KRT7: variants seen among roughly 807,000 people sequenced by gnomAD.
KRT7 encodes the protein keratin, type II cytoskeletal 7.
Under a neutral mutation model 42.8 loss-of-function variants are expected in KRT7, and 50 were observed. The observed-to-expected ratio is 1.17, with a 90% CI of 0.93 to 1.48. The LOEUF is 1.48. Among genes scored for constraint, KRT7 ranks in the 40% most tolerant of loss-of-function variants. The probability of loss-of-function intolerance (pLI) is 0.00; values close to 1 mark genes in which losing one functional copy is unlikely to be tolerated. For synonymous variants in KRT7, 268 were observed against 266.3 expected (o/e 1.01, Z -0.06); for missense variants, 588 against 637.6 (o/e 0.92, Z 0.84).
downstream of KRT7, chr12:52,252,237 C>T (rs760915764): frequency 3.1e-6 from 5 of 1,613,092 alleles, no homozygotes; most frequent in African/African-American, 6.7e-5. Context: ...TGAGGGGACA[C>T]CCTCCCCACA....
Position 52,233,902 on chromosome 12 carries a change from C to T in KRT7, c.324+282C>T, listed in dbSNP as rs574297685. Reference sequence around the variant, plus strand: ...CCTGAGTCCTGTAGGGCTGCCCTCGCTGGCTGCCTGTTGGTCACCTGGACC... The same window carrying T: ...CCTGAGTCCTGTAGGGCTGCCCTCGTTGGCTGCCTGTTGGTCACCTGGACC... On this transcript the variant is annotated intron_variant, in intron 1 of 8. Coordinates refer to ENST00000331817, the MANE Select transcript of KRT7 (RefSeq NM_005556.4). Among the ~76,000 whole-genome samples the T allele has an allele frequency of 1.3e-4, 20 of 152,312 alleles. No homozygotes were observed. In the East Asian group the frequency reaches 3.9e-3, roughly 29 times the overall value.
chr12:52,237,643 G>T, intron 3 of KRT7, 74 bp downstream of exon 3: 1 of 1,333,056 alleles, frequency 7.5e-7, no homozygotes, highest in South Asian at 1.3e-5. Context: ...CCTCTCACCT[G>T]AGCAGCCCAT....
intron 5 of KRT7, among the ~76,000 whole-genome samples, chr12:52,242,474 T>C (rs1409205325): frequency 1.3e-5 from 2 of 152,108 alleles, no homozygotes; most frequent in Non-Finnish European, 2.9e-5. Context: ...GAGTGGGTGC[T>C]GGGGTGAACC....
At chr12:52,243,511 A>C in intron 6 of KRT7, 1 of 179,722 alleles carries the variant, frequency 5.6e-6, no homozygotes, top group African/African-American at 2.4e-5. Context: ...CCTTATAATG[A>C]CTCACATGGC....
downstream of KRT7, chr12:52,253,638 C>T (rs774739242): frequency 5.2e-6 from 8 of 1,547,394 alleles, no homozygotes; most frequent in African/African-American, 1.4e-5. Flanking sequence ...GGCCCGGCTG[C>T]GGGTGGCAAT....
At chr12:52,244,797 C>T (rs1011527305) in intron 6 of KRT7, among the ~76,000 whole-genome samples, 2 of 152,102 alleles carry the variant, frequency 1.3e-5, no homozygotes, top group African/African-American at 4.8e-5. Context: ...CAGAGCATCC[C>T]TGACCAAACC....
Position 52,243,176 on chromosome 12 carries a change from C to T in KRT7, c.984+39C>T, listed in dbSNP as rs768980160. 29 of 1,582,834 alleles carry T rather than the reference C, an allele frequency of 1.8e-5. No individual in the cohort carries two copies. In the South Asian group the frequency reaches 2.7e-4, roughly 15 times the overall value. On this transcript the variant is annotated intron_variant, in intron 6 of 8. Transcript: ENST00000331817. ...TCCTGGCTTCCCCTGCTACTTGGGG[C>T]ATGCAGGGGTGGCCAGCTGAGGCCA...
downstream of KRT7, chr12:52,249,372 A>C (rs769319142): frequency 6.6e-6 from 1 of 152,272 alleles, no homozygotes; most frequent in Non-Finnish European, 1.5e-5. Flanking sequence ...TGCCAGGCTC[A>C]TGGTCAGCCA....
intron 2 of KRT7, 53 bp downstream of exon 2, chr12:52,235,419 C>G (rs1942000264): frequency 6.8e-7 from 1 of 1,479,146 alleles, no homozygotes; most frequent in African/African-American, 1.4e-5. Context: ...CAATGTGACC[C>G]TCATGAGCTG....
chr12:52,233,288 C>T lies in KRT7; in HGVS notation c.-9C>T, dbSNP rs1397337676. On this transcript the variant is annotated 5_prime_UTR_variant, in exon 1 of 9. Transcript: ENST00000331817. ...CGCCCGCCGCTAGGTCCATCCCGGC[C>T]CAGCCACCATGTCCATCCACTTCAG... 3.3e-6 allele frequency: 5 copies of T among 1,538,108 alleles called. No individual in the cohort carries two copies. The African/African-American group carries it at 7.2e-5, about 22-fold the overall frequency.
intron 6 of KRT7, 175 bp from the exon 7 acceptor site, chr12:52,245,237 T>C (rs1482540133): frequency 7.8e-6 from 5 of 643,186 alleles, no homozygotes; most frequent in East Asian, 2.8e-5. Context: ...AACTGGAACA[T>C]AGGCGTTGGA....
At chr12:52,250,628 A>G (rs12581578), downstream of KRT7, 482,908 of 874,566 alleles carry the variant, frequency 0.55, 137,420 homozygotes, top group East Asian at 0.87. Flanking sequence ...CCCCGCCGCG[A>G]GAGCTGCTGA....
intron 6 of KRT7, chr12:52,243,383 A>G (rs1316703848): frequency 2.3e-5 from 11 of 478,410 alleles, no homozygotes; most frequent in Non-Finnish European, 4.0e-5. Flanking sequence ...GCTGGCCAGA[A>G]GAAAGCCACC....
chr12:52,253,359 A>T (rs1459363203), downstream of KRT7: 2 of 1,611,418 alleles, frequency 1.2e-6, no homozygotes, highest in Non-Finnish European at 1.7e-6. Context: ...AGAGTTGCTT[A>T]TGAGGCTCAG....
At position 52,234,837 on chromosome 12, in the gene KRT7, G is replaced by A. The variant is rs139274408; in HGVS notation, c.325-318G>A. 3.8e-3 allele frequency among the ~76,000 whole-genome samples: 573 copies of A among 152,356 alleles called. 2 individuals carry two copies. Among genetic ancestry groups the A allele is most frequent in the Non-Finnish European group, 4.9e-3 (331 of 68,030 alleles). On this transcript the variant is annotated intron_variant, in intron 1 of 8. Coordinates refer to ENST00000331817, the MANE Select transcript of KRT7 (RefSeq NM_005556.4). ...GGTCATCCTCATGATCCATTGACAG[G>A]AAGAGGTGGCTGTTCAGATAGGGAG... is the stretch of plus-strand genomic sequence containing the variant.
At position 52,235,229 on chromosome 12, in the gene KRT7, G is replaced by A; in HGVS notation, c.399G>A (p.Lys133=). 6.2e-7 allele frequency: 1 copy of A among 1,614,196 alleles called. No homozygotes were observed. The highest frequency in any genetic ancestry group is 1.1e-5 in the South Asian group (1 of 91,082). The part of the protein sequence containing the change: ...WTLLQEQKSA[K]SSRLPDIFEA... ...TGCTGCAGGAGCAGAAGTCGGCCAA[G>A]AGCAGCCGCCTCCCAGACATCTTTG... The change falls in exon 2 of 9, where the codon AAG becomes AAA. Residue 133 remains lysine, a synonymous_variant. Coordinates refer to ENST00000331817, the MANE Select transcript of KRT7 (RefSeq NM_005556.4).
downstream of KRT7, among the ~76,000 whole-genome samples, chr12:52,250,797 C>T (rs1178766550): frequency 6.6e-6 from 1 of 152,210 alleles, no homozygotes; most frequent in East Asian, 1.9e-4. Flanking sequence ...ACACTGTTAG[C>T]CCAGGTCCTC....
rs1244847507 is a variant in KRT7, at chr12:52,243,150, C to G, written c.984+13C>G. 1.2e-6 allele frequency: 2 copies of G among 1,605,394 alleles called. No individual in the cohort carries two copies. The highest frequency in any genetic ancestry group is 1.7e-6 in the Non-Finnish European group (2 of 1,175,510). On this transcript the variant is annotated intron_variant, in intron 6 of 8. Transcript: ENST00000331817. ...CATCAAGAACCAGGTGGGACAAGTC[C>G]TCCTGGCTTCCCCTGCTACTTGGGG...
At chr12:52,251,758 A>G (rs1418697435), downstream of KRT7, 2 of 352,252 alleles carry the variant, frequency 5.7e-6, no homozygotes, top group South Asian at 2.2e-5. Flanking sequence ...TCACTGCCCC[A>G]CTCCATCTTT....
Sources: gnomAD v4.1 joint callset for allele counts (sites outside exome capture counted in the v4.1 genomes callset) on GRCh38, gnomAD v4.1.1 for gene constraint, MANE v1.5 for transcripts, NCBI Gene and HGNC (gene_info 2026-07-23, HGNC 2026-07-21) for gene names.